FRMD4B: variants seen among roughly 807,000 people sequenced by gnomAD.
The protein encoded by FRMD4B is FERM domain containing 4B, also known as FERM domain-containing protein 4B.
In FRMD4B, 74 loss-of-function variants were observed where a neutral mutation model predicts 141.5. That is an observed-to-expected ratio of 0.52 (90% CI 0.43 to 0.63). FRMD4B has a LOEUF of 0.63. Ranked by LOEUF, FRMD4B falls within the 30% of genes least tolerant of loss-of-function variation. The pLI is 0.00. For synonymous variants in FRMD4B, 506 were observed against 467.9 expected, an observed-to-expected ratio of 1.08 and a Z score of -1.05; for missense variants, 1,366 against 1,253.4, an observed-to-expected ratio of 1.09 and a Z score of -1.36.
At position 69,249,779 on chromosome 3, in the gene FRMD4B, C is replaced by T. The variant is rs552173742; in HGVS notation, c.558+264G>A. On this transcript the variant is annotated intron_variant, in intron 6 of 22. Coordinates refer to ENST00000398540, the MANE Select transcript of FRMD4B (RefSeq NM_015123.3). ...CCTCCCAAATTCAAGTATCCCAGAG[C>T]TCTCTTCCAGGAATATGGGTTTAAT... 9.2e-5 allele frequency among the ~76,000 whole-genome samples: 14 copies of T among 152,330 alleles called. No homozygotes were observed. In the East Asian group the frequency reaches 2.7e-3, roughly 29 times the overall value.
rs376332617 is a variant in FRMD4B at position 69,222,003 on chromosome 3, T to C, written c.666-80A>G. The C allele has an allele frequency of 6.4e-6, 5 of 784,864 alleles. No individual in the cohort carries two copies. In the African/African-American group the frequency reaches 8.5e-5, roughly 13 times the overall value. 48.6% of individuals were successfully genotyped at this position (784,864 alleles called of 1,614,324 possible). ...CACAGTTTCCACATTATCAGGTGGC[T>C]GTCAGGAAACTTGAGAGAGAAAGCC... On this transcript the variant is annotated intron_variant, in intron 8 of 22. Coordinates refer to ENST00000398540, the MANE Select transcript of FRMD4B (RefSeq NM_015123.3).
intron 1 of FRMD4B, among the ~76,000 whole-genome samples, chr3:69,435,922 C>T (rs1478893588): frequency 6.6e-6 from 1 of 152,124 alleles, no homozygotes; most frequent in Non-Finnish European, 1.5e-5. Context: ...ATAAAATTTT[C>T]TTCAAGCACT....
rs571837872 is a variant in FRMD4B at position 69,285,706 on chromosome 3, C to T, written c.501+2046G>A. On this transcript the variant is annotated intron_variant, in intron 5 of 22. Transcript: ENST00000398540. ...AAAAAATACAAAAATTAGCCGGGTG[C>T]GGTGGTGCACACCTATAGTCCCAGC... Among the ~76,000 whole-genome samples, 9 of 151,670 alleles carry T rather than the reference C, an allele frequency of 5.9e-5. No homozygotes were observed. In the East Asian group the frequency reaches 1.2e-3, roughly 20 times the overall value.
intron 1 of FRMD4B, among the ~76,000 whole-genome samples, chr3:69,501,611 C>A (rs548088100): frequency 2.8e-4 from 42 of 152,220 alleles, no homozygotes; most frequent in African/African-American, 7.9e-4. Flanking sequence ...TTCCCTTTGA[C>A]AACTGGCACA....
chr3:69,460,881 T>G (rs1470759122), intron 1 of FRMD4B, among the ~76,000 whole-genome samples: 2 of 152,244 alleles, frequency 1.3e-5, no homozygotes, highest in Non-Finnish European at 2.9e-5. Context: ...TTACGTGATC[T>G]GTAAGACTCC....
chr3:69,242,712 C>T (rs558244772), intron 7 of FRMD4B, among the ~76,000 whole-genome samples: 5 of 147,180 alleles, frequency 3.4e-5, no homozygotes, highest in East Asian at 3.9e-4. Flanking sequence ...AAAAAAAGGC[C>T]GGGCTCGTTG....
intron 1 of FRMD4B, among the ~76,000 whole-genome samples, chr3:69,360,303 A>C (rs909147551): frequency 1.3e-5 from 2 of 152,290 alleles, no homozygotes; most frequent in East Asian, 3.9e-4. Context: ...ATTATTTTGA[A>C]GCAAAACCAA....
In FRMD4B at chr3:69,427,643, G is replaced by GTTTTTTTTTTTTTTTTTTTTTTTTT. The variant is rs774316609; in HGVS notation, c.-1+4966_-1+4990dup. On this transcript the variant is annotated intron_variant, in intron 2 of 5. Coordinates refer to the FRMD4B transcript ENST00000459638. ...GTGTTTAGTAAGAAGCTAGGTAAAT[G>GTTTTTTTTTTTTTTTTTTTTTTTTT]TTTTTTTTTTTTTTTTTTTTTTTTT... Among the ~76,000 whole-genome samples the GTTTTTTTTTTTTTTTTTTTTTTTTT allele has an allele frequency of 2.2e-4, 8 of 36,238 alleles. 3 individuals carry two copies. The highest frequency in any genetic ancestry group is 2.1e-4 in the African/African-American group (2 of 9,380). 23.8% of individuals were successfully genotyped at this position (36,238 alleles called of 152,430 possible).
At chr3:69,261,673 C>A (rs2093528360) in intron 5 of FRMD4B, among the ~76,000 whole-genome samples, 1 of 151,994 alleles carries the variant, frequency 6.6e-6, no homozygotes, top group Non-Finnish European at 1.5e-5. Flanking sequence ...TTTAAATTTT[C>A]ATTTTATTTA....
chr3:69,345,580 C>A (rs1389179594), intron 1 of FRMD4B, among the ~76,000 whole-genome samples: 1 of 152,200 alleles, frequency 6.6e-6, no homozygotes, highest in Non-Finnish European at 1.5e-5. Flanking sequence ...CAGGGTGGCA[C>A]CCCTCAGTAG....
chr3:69,249,093 C>G, intron 7 of FRMD4B, 133 bp downstream of exon 7: 1 of 597,738 alleles, frequency 1.7e-6, no homozygotes, highest in Non-Finnish European at 3.0e-6. Context: ...ATTTGAAGAG[C>G]GAAGAGATCT....
intron 11 of FRMD4B, chr3:69,200,917 T>C: frequency 6.6e-6 from 3 of 453,214 alleles, no homozygotes; most frequent in South Asian, 1.6e-5. Context: ...ACTTGAAACA[T>C]GATCTCTGAA....
chr3:69,181,229 A>C lies in FRMD4B; in HGVS notation c.2521T>G (p.Ser841Ala), dbSNP rs1411356597. Residue 841 changes from serine to alanine, a missense_variant, in exon 21 of 23, where the codon TCC (serine) becomes GCC (alanine). Coordinates refer to ENST00000398540, the MANE Select transcript of FRMD4B (RefSeq NM_015123.3). ...GQYSVNPSYR[S>A]SAHYGYERQR... ...CGCTCATATCCATAGTGGGCTGAGG[A>C]CCGGTAGGAAGGGTTGACACTATAC... 1 of 1,613,840 alleles carries C rather than the reference A, an allele frequency of 6.2e-7. No homozygotes were observed. Among genetic ancestry groups the C allele is most frequent in the Non-Finnish European group, 8.5e-7 (1 of 1,179,774 alleles).
chr3:69,392,368 A>C (rs936587937), intron 2 of FRMD4B, among the ~76,000 whole-genome samples: 15 of 152,296 alleles, frequency 9.8e-5, no homozygotes, highest in Middle Eastern at 3.4e-3. Flanking sequence ...CAGAGACCTG[A>C]AGGCTGAGTA....
intron 1 of FRMD4B, among the ~76,000 whole-genome samples, chr3:69,372,759 A>G (rs6549213): frequency 0.23 from 35,264 of 152,088 alleles, 5,730 homozygotes; most frequent in African/African-American, 0.46. Context: ...ATTATGGTCC[A>G]CTCTTTTTAA....
At chr3:69,272,139 T>TTTTA (rs927303673) in intron 5 of FRMD4B, among the ~76,000 whole-genome samples, 2 of 152,062 alleles carry the variant, frequency 1.3e-5, no homozygotes, top group South Asian at 4.2e-4. Flanking sequence ...TTCACAAGTC[T>TTTTA]TTTATTTATT....
chr3:69,465,969 TG>T (rs543686026), intron 1 of FRMD4B, among the ~76,000 whole-genome samples: 48 of 152,352 alleles, frequency 3.2e-4, no homozygotes, highest in African/African-American at 9.4e-4. Context: ...ATTGCCACAC[TG>T]TCTTCCACAA....
chr3:69,499,408 T>C (rs879688164), intron 1 of FRMD4B, among the ~76,000 whole-genome samples: 7 of 152,140 alleles, frequency 4.6e-5, no homozygotes, highest in Admixed American at 4.6e-4. Context: ...GTTTGGACCA[T>C]GGCTGTAGGA....
intron 7 of FRMD4B, among the ~76,000 whole-genome samples, chr3:69,233,358 C>T (rs570094403): frequency 7.9e-5 from 12 of 151,894 alleles, no homozygotes; most frequent in African/African-American, 2.9e-4. Flanking sequence ...GTGGCACACG[C>T]CTGTAGTCCC....
Sources: gnomAD v4.1 joint callset for allele counts (sites outside exome capture counted in the v4.1 genomes callset) on GRCh38, gnomAD v4.1.1 for gene constraint, MANE v1.5 for transcripts, NCBI Gene and HGNC (gene_info 2026-07-23, HGNC 2026-07-21) for gene names.